The following DYNC2I1 variants were observed in gnomAD, a reference collection of about 807,000 sequenced individuals.
The protein encoded by DYNC2I1 is dynein 2 intermediate chain 1.
DYNC2I1 carries 89 observed loss-of-function variants against 133.4 expected under a neutral mutation model. The observed-to-expected ratio is 0.67, with a 90% CI of 0.56 to 0.80. DYNC2I1 has a LOEUF of 0.80. Ranked by LOEUF, DYNC2I1 falls within the 30% of genes least tolerant of loss-of-function variation. The pLI, the probability that DYNC2I1 is intolerant of heterozygous loss-of-function variation, is 0.00. For missense variants in DYNC2I1, 1,291 were observed against 1,314.5 expected, an observed-to-expected ratio of 0.98 and a Z score of 0.28; for synonymous variants, 504 against 484.3, an observed-to-expected ratio of 1.04 and a Z score of -0.54.
At chr7:158,900,731 G>GGT (rs1554459666) in intron 8 of DYNC2I1, among the ~76,000 whole-genome samples, 5 of 105,738 alleles carry the variant, frequency 4.7e-5, no homozygotes, top group Admixed American at 2.0e-4. Context: ...ATTTTGTTCT[G>GGT]TTTTTTTTTT....
chr7:158,893,019 C>G (rs1332515455), intron 8 of DYNC2I1, among the ~76,000 whole-genome samples: 1 of 151,992 alleles, frequency 6.6e-6, no homozygotes, highest in Non-Finnish European at 1.5e-5. Flanking sequence ...ATAGCCTCCC[C>G]TATTATCAAT....
chr7:158,935,782 T>C (rs964674937), intron 23 of DYNC2I1, among the ~76,000 whole-genome samples: 2 of 152,200 alleles, frequency 1.3e-5, no homozygotes, highest in Admixed American at 6.5e-5. Flanking sequence ...AATGTCTCTT[T>C]AGGCTGGGTG....
At position 158,870,032 on chromosome 7, in the gene DYNC2I1, T is replaced by A. The variant is rs1842739020; in HGVS notation, c.69+124T>A. 3.8e-6 allele frequency: 3 copies of A among 786,714 alleles called. No homozygotes were observed. In the South Asian group the frequency reaches 5.7e-5, roughly 15 times the overall value. 48.7% of individuals were successfully genotyped at this position (786,714 alleles called of 1,614,324 possible). On this transcript the variant is annotated intron_variant, in intron 2 of 24. Transcript: ENST00000407559. Reference sequence around the variant, plus strand: ...TGTGTGCCTCATTTCAGAAGTACTTTGAACTCAGAGGTGAAGGTGTACGGC... The same window carrying A: ...TGTGTGCCTCATTTCAGAAGTACTTAGAACTCAGAGGTGAAGGTGTACGGC...
At chr7:158,900,908 G>A (rs568179035) in intron 8 of DYNC2I1, among the ~76,000 whole-genome samples, 4 of 151,858 alleles carry the variant, frequency 2.6e-5, no homozygotes, top group South Asian at 2.1e-4. Context: ...TTTTGACCTC[G>A]AACTTTCCTT....
At chr7:158,909,481 G>A (rs1223159191) in intron 11 of DYNC2I1, among the ~76,000 whole-genome samples, 7 of 152,112 alleles carry the variant, frequency 4.6e-5, no homozygotes, top group African/African-American at 1.4e-4. Flanking sequence ...GATACTCTGA[G>A]GATATAATGT....
chr7:158,884,687 T>C, intron 6 of DYNC2I1, 68 bp downstream of exon 6: 1 of 1,541,124 alleles, frequency 6.5e-7, no homozygotes, highest in Non-Finnish European at 8.9e-7. Flanking sequence ...CAGGGAATTT[T>C]CTTATTGGCT....
chr7:158,914,642 A>C (rs923279815), intron 14 of DYNC2I1, among the ~76,000 whole-genome samples: 1 of 152,238 alleles, frequency 6.6e-6, no homozygotes. Context: ...GCATAAATCT[A>C]GGGTATTTGA....
At chr7:158,957,792 A>T (rs540996323), downstream of DYNC2I1, among the ~76,000 whole-genome samples, 1 of 152,312 alleles carries the variant, frequency 6.6e-6, no homozygotes, top group African/African-American at 2.4e-5. Context: ...TCCTAGGGAA[A>T]GAGCAGCGCC....
rs777397970 is a variant in DYNC2I1, at chr7:158,912,990, T to C, written c.1596T>C (p.Tyr532=). 1 of 1,607,896 alleles carries C rather than the reference T, an allele frequency of 6.2e-7. No homozygotes were observed. Among genetic ancestry groups the C allele is most frequent in the Non-Finnish European group, 8.5e-7 (1 of 1,177,730 alleles). The change falls in exon 13 of 25, where the codon TAT becomes TAC. Residue 532 remains tyrosine, a synonymous_variant. Coordinates refer to ENST00000407559, the MANE Select transcript of DYNC2I1 (RefSeq NM_018051.5). The part of the protein sequence containing the change: ...NFGKKNTKQA[Y]VQCNEDNVER... The stretch of plus-strand genomic sequence containing the variant: ...GGCATATTTTTGTTTTTAAGGCATA[T>C]GTTCAGTGTAACGAAGATAATGTTG...
At chr7:158,848,878 G>A in the DYNC2I1 span, among the ~76,000 whole-genome samples, 4 of 151,306 alleles carry the variant, frequency 2.6e-5, no homozygotes, top group African/African-American at 7.3e-5. Flanking sequence ...AGCTGAGATT[G>A]CGCCACTGCA....
At chr7:158,917,333 C>T (rs1229940272) in intron 14 of DYNC2I1, among the ~76,000 whole-genome samples, 2 of 150,976 alleles carry the variant, frequency 1.3e-5, no homozygotes, top group Admixed American at 1.3e-4. Context: ...ACCCCCTGCC[C>T]TCCACACTCC....
chr7:158,928,962 G>C (rs1849911841), intron 20 of DYNC2I1, among the ~76,000 whole-genome samples: 1 of 152,194 alleles, frequency 6.6e-6, no homozygotes, highest in Non-Finnish European at 1.5e-5. Flanking sequence ...TGATAATCCG[G>C]CTATGGAGAC....
At chr7:158,914,924 C>T (rs1847871783) in intron 14 of DYNC2I1, among the ~76,000 whole-genome samples, 1 of 152,220 alleles carries the variant, frequency 6.6e-6, no homozygotes, top group Non-Finnish European at 1.5e-5. Context: ...TTAGTAATAA[C>T]TTATAATGCA....
At chr7:158,889,134 G>A (rs1317290376) in intron 7 of DYNC2I1, among the ~76,000 whole-genome samples, 3 of 142,258 alleles carry the variant, frequency 2.1e-5, no homozygotes, top group Non-Finnish European at 1.5e-5. Flanking sequence ...AGGCTGGAGC[G>A]CAGTGGCGCG....
the DYNC2I1 span, among the ~76,000 whole-genome samples, chr7:158,846,385 G>A: frequency 0.23 from 34,824 of 152,090 alleles, 5,108 homozygotes; most frequent in East Asian, 0.61. Context: ...TTTTATGAAA[G>A]AGAATCTTAT....
intron 5 of DYNC2I1, among the ~76,000 whole-genome samples, chr7:158,882,732 C>G (rs1247695239): frequency 6.6e-6 from 1 of 151,902 alleles, no homozygotes; most frequent in East Asian, 1.9e-4. Context: ...AAAAATTAGC[C>G]AAGTATGGTG....
chr7:158,871,456 G>A lies in DYNC2I1; in HGVS notation c.384G>A (p.Arg128=). ...ACAGGGAAAAAGAAAAAGACAGAAG[G>A]GCCCGGAAGGAAGAGCTCCGGCAGA... ...GKDREKEKDR[R]ARKEELRQTV... Residue 128 remains arginine, a synonymous_variant, in exon 3 of 25, where the codon AGG becomes AGA. Transcript: ENST00000407559. 1 of 1,550,252 alleles carries A rather than the reference G, an allele frequency of 6.5e-7. No homozygotes were observed. Among genetic ancestry groups the A allele is most frequent in the South Asian group, 1.2e-5 (1 of 84,042 alleles).
intron 14 of DYNC2I1, 127 bp from the exon 15 acceptor site, chr7:158,918,613 G>A: frequency 1.8e-6 from 2 of 1,081,208 alleles, no homozygotes; most frequent in Non-Finnish European, 2.7e-6. Flanking sequence ...TTTTCTTGTA[G>A]TTATGATAGC....
At chr7:158,853,916 G>C (rs1447942152), upstream of DYNC2I1, among the ~76,000 whole-genome samples, 1 of 151,988 alleles carries the variant, frequency 6.6e-6, no homozygotes, top group Non-Finnish European at 1.5e-5. Context: ...GCCTCCCAAA[G>C]TGCTGGGATT....
Sources: allele counts gnomAD v4.1 joint callset (sites outside exome capture counted in the v4.1 genomes callset), GRCh38; gene constraint gnomAD v4.1.1; transcripts MANE v1.5; gene names NCBI Gene and HGNC (gene_info 2026-07-23, HGNC 2026-07-21).